ZNF600: variants seen among roughly 807,000 people sequenced by gnomAD.
ZNF600 encodes zinc finger protein KR-ZNF1.
Under a neutral mutation model 7.3 loss-of-function variants are expected in ZNF600, and 4 were observed. The observed-to-expected ratio is 0.55, with a 90% CI of 0.27 to 1.25. The LOEUF (loss-of-function observed/expected upper bound fraction) is 1.25, where lower values mean the gene tolerates loss of function less well. ZNF600 is among the 50% of genes most tolerant of loss of function. The pLI, the probability that ZNF600 is intolerant of heterozygous loss-of-function variation, is 0.12. For synonymous variants in ZNF600, 290 were observed against 308.9 expected, an observed-to-expected ratio of 0.94 and a Z score of 0.64; for missense variants, 911 against 922.1, an observed-to-expected ratio of 0.99 and a Z score of 0.16.
chr19:52,782,784 A>G (rs545196201), intron 1 of ZNF600, among the ~76,000 whole-genome samples: 1 of 152,202 alleles, frequency 6.6e-6, no homozygotes, highest in East Asian at 1.9e-4. Flanking sequence ...GCTGAGACAG[A>G]GCACTGCTTG....
the ZNF600 span, among the ~76,000 whole-genome samples, chr19:52,830,842 G>A: frequency 2.4e-4 from 35 of 144,968 alleles, no homozygotes; most frequent in African/African-American, 8.3e-4. Context: ...GAAGTAATGG[G>A]CATGTAGGAG....
chr19:52,808,598 C>T, the ZNF600 span, among the ~76,000 whole-genome samples: 2 of 149,834 alleles, frequency 1.3e-5, 1 homozygote, highest in South Asian at 4.2e-4. Context: ...AGTGTCACTG[C>T]ACTCCAGCCT....
At chr19:52,828,920 G>T in the ZNF600 span, among the ~76,000 whole-genome samples, 2 of 152,070 alleles carry the variant, frequency 1.3e-5, no homozygotes, top group East Asian at 1.9e-4. Flanking sequence ...GAATGCTGTG[G>T]CAGGATCTCG....
chr19:52,824,712 G>C, the ZNF600 span, among the ~76,000 whole-genome samples: 4 of 152,092 alleles, frequency 2.6e-5, no homozygotes, highest in Non-Finnish European at 4.4e-5. Flanking sequence ...TAGCCAGTCT[G>C]ATTGGAGAGT....
At chr19:52,766,272 T>C (rs1385771192) in exon 4 of ZNF600, 1 of 1,614,026 alleles carries the variant, frequency 6.2e-7, no homozygotes, top group Non-Finnish European at 8.5e-7. Context: ...GTAAGGTTTC[T>C]CTCCACTATG....
intron 2 of ZNF600, among the ~76,000 whole-genome samples, chr19:52,777,384 TA>T: frequency 6.6e-6 from 1 of 150,470 alleles, no homozygotes; most frequent in Non-Finnish European, 1.5e-5. Flanking sequence ...CTCTAAAAAG[TA>T]AAGAGTCCAG....
chr19:52,768,069 T>G (rs2147492817), intron 3 of ZNF600, among the ~76,000 whole-genome samples: 1 of 151,578 alleles, frequency 6.6e-6, no homozygotes, highest in Non-Finnish European at 1.5e-5. Flanking sequence ...GTATCACAAT[T>G]TGCAAAAAAC....
At chr19:52,816,080 G>A in the ZNF600 span, among the ~76,000 whole-genome samples, 4 of 147,476 alleles carry the variant, frequency 2.7e-5, no homozygotes, top group Admixed American at 6.8e-5. Flanking sequence ...ATAGTGGCTC[G>A]CCAGTGAGGC....
the ZNF600 span, chr19:52,817,800 T>C: frequency 3.3e-6 from 5 of 1,533,308 alleles, no homozygotes; most frequent in African/African-American, 5.5e-5. Context: ...CTAAGCGAGA[T>C]GAGATGAACT....
the ZNF600 span, chr19:52,798,060 T>C: frequency 6.5e-6 from 1 of 153,220 alleles, no homozygotes; most frequent in Non-Finnish European, 1.5e-5. Flanking sequence ...AGGCGGAGGT[T>C]GTAGTGAGTC....
At chr19:52,801,216 A>C in the ZNF600 span, 4 of 1,605,938 alleles carry the variant, frequency 2.5e-6, no homozygotes, top group Non-Finnish European at 3.4e-6. Context: ...TTTTTCTCTC[A>C]TGTGTACATT....
chr19:52,783,827 G>A lies in ZNF600; in HGVS notation c.-20+2768C>T, dbSNP rs780413479. Among the ~76,000 whole-genome samples the A allele has an allele frequency of 5.9e-5, 9 of 151,868 alleles. No homozygotes were observed. The East Asian group carries it at 9.7e-4, about 16-fold the overall frequency. The stretch of plus-strand genomic sequence containing the variant: ...GTTTTTTAGACGGAGTTTCGCTCTT[G>A]TTGCCCACGCTGAAGTCCAATGGTG... On this transcript the variant is annotated intron_variant, in intron 1 of 3. Transcript: ENST00000648973.
chr19:52,803,090 AT>A, the ZNF600 span, among the ~76,000 whole-genome samples: 1 of 146,718 alleles, frequency 6.8e-6, no homozygotes, highest in South Asian at 2.2e-4. Flanking sequence ...ATGTATTTTT[AT>A]TTTTTTGAGA....
upstream of ZNF600, among the ~76,000 whole-genome samples, chr19:52,787,201 C>T (rs1470704970): frequency 6.6e-6 from 1 of 152,138 alleles, no homozygotes; most frequent in Non-Finnish European, 1.5e-5. Context: ...ACGGAGAGCT[C>T]AGGCCAGGGA....
chr19:52,821,259 C>A, the ZNF600 span, among the ~76,000 whole-genome samples: 1 of 152,002 alleles, frequency 6.6e-6, no homozygotes, highest in Non-Finnish European at 1.5e-5. Context: ...GGCTGGGAGG[C>A]GCACAGGGTG....
At chr19:52,772,657 T>C (rs933936315) in intron 3 of ZNF600, among the ~76,000 whole-genome samples, 1 of 152,136 alleles carries the variant, frequency 6.6e-6, no homozygotes, top group Non-Finnish European at 1.5e-5. Context: ...ATTAACATTA[T>C]TTCTCAAATA....
upstream of ZNF600, among the ~76,000 whole-genome samples, chr19:52,790,682 C>CTTTTT (rs71183835): frequency 6.1e-5 from 6 of 98,566 alleles, no homozygotes; most frequent in Non-Finnish European, 1.1e-4. Flanking sequence ...TCTCTCTCTC[C>CTTTTT]TTTTTTTTTT....
At chr19:52,822,263 G>A in the ZNF600 span, among the ~76,000 whole-genome samples, 12 of 151,818 alleles carry the variant, frequency 7.9e-5, no homozygotes, top group South Asian at 2.5e-3. Flanking sequence ...GTAGAGACAG[G>A]ATTTCGCCAT....
chr19:52,793,568 T>G, the ZNF600 span, among the ~76,000 whole-genome samples: 1 of 152,158 alleles, frequency 6.6e-6, no homozygotes, highest in East Asian at 1.9e-4. Context: ...AGAGAGGTCC[T>G]GGGGACAGAG....
Sources: allele counts gnomAD v4.1 joint callset (sites outside exome capture counted in the v4.1 genomes callset), GRCh38; gene constraint gnomAD v4.1.1; transcripts MANE v1.5; gene names NCBI Gene and HGNC (gene_info 2026-07-23, HGNC 2026-07-21).